The following TNC variants were observed in gnomAD, a reference collection of about 807,000 sequenced individuals.
TNC encodes tenascin C, also known as tenascin.
In TNC, 109 loss-of-function variants were observed where a neutral mutation model predicts 202.4. That is an observed-to-expected ratio of 0.54 (90% CI 0.46 to 0.63). TNC has a LOEUF of 0.63. Ranked by LOEUF, TNC falls within the 30% of genes least tolerant of loss-of-function variation. TNC has a pLI of 0.00. For missense variants in TNC, 2,756 were observed against 2,833.3 expected (o/e 0.97, Z 0.62); for synonymous variants, 1,007 against 1,089.7 (o/e 0.92, Z 1.50).
Position 115,063,723 on chromosome 9 carries a change from C to T in TNC, c.3760+73G>A, listed in dbSNP as rs79219450. 9.3e-4 allele frequency: 1,412 copies of T among 1,515,770 alleles called. 9 individuals are homozygous for T. In the African/African-American group the frequency reaches 0.018, roughly 19 times the overall value. The allele number at this position is 1,515,770 out of a possible 1,614,324, so 93.9% of individuals were successfully genotyped here. A position where few individuals can be genotyped will look rare whatever the true frequency, so the allele number is the denominator to read the frequency against. ...GGTAGGAGCTGATCCCAGTTTAAAG[C>T]AAGAAAGTGCTTTGATTCCTCCCGA... On this transcript the variant is annotated intron_variant, in intron 12 of 27. Coordinates refer to ENST00000350763, the MANE Select transcript of TNC (RefSeq NM_002160.4).
At chr9:115,108,669 G>A (rs1836804815) in intron 1 of TNC, among the ~76,000 whole-genome samples, 1 of 152,142 alleles carries the variant, frequency 6.6e-6, no homozygotes, top group Non-Finnish European at 1.5e-5. Flanking sequence ...CTGAATGTTT[G>A]TGTTCCCTCA....
In TNC at chr9:115,077,928, G is replaced by C. The variant is rs1482949136; in HGVS notation, c.2674+15C>G. On this transcript the variant is annotated intron_variant, in intron 7 of 27. Transcript: ENST00000350763. ...TTTCCTTTACTATATCTGTTAACAG[G>C]GGGAGGCCTTTTACCTGTTGTGAAG... is the stretch of plus-strand genomic sequence containing the variant. The C allele has an allele frequency of 6.2e-7, 1 of 1,611,312 alleles. No individual in the cohort carries two copies. The highest frequency in any genetic ancestry group is 8.5e-7 in the Non-Finnish European group (1 of 1,177,996).
intron 1 of TNC, among the ~76,000 whole-genome samples, chr9:115,108,771 T>G (rs1212322244): frequency 6.6e-6 from 1 of 152,204 alleles, no homozygotes; most frequent in Non-Finnish European, 1.5e-5. Context: ...AGAGGCTTCA[T>G]AAATAGAATT....
intron 6 of TNC, among the ~76,000 whole-genome samples, chr9:115,079,954 G>T (rs1233850467): frequency 1.3e-5 from 2 of 152,152 alleles, no homozygotes; most frequent in Non-Finnish European, 2.9e-5. Context: ...AGGTTTAAAG[G>T]TTTCAGGTAT....
intron 1 of TNC, among the ~76,000 whole-genome samples, chr9:115,100,881 A>G (rs1415642883): frequency 6.6e-6 from 1 of 152,170 alleles, no homozygotes; most frequent in Non-Finnish European, 1.5e-5. Context: ...TGTCAATTAT[A>G]CCTCAATAAA....
At chr9:115,055,431 C>G (rs987726414) in intron 15 of TNC, 11 of 152,428 alleles carry the variant, frequency 7.2e-5, no homozygotes, top group Non-Finnish European at 1.5e-4. Flanking sequence ...GAAAGCTATT[C>G]AGAGGAAATT....
intron 18 of TNC, 79 bp downstream of exon 18, chr9:115,042,140 A>G: frequency 1.3e-6 from 2 of 1,542,718 alleles, no homozygotes; most frequent in Admixed American, 4.0e-5. Context: ...TTAGAGGATG[A>G]AAATTATCAG....
rs13283114 is a variant in TNC, at chr9:115,054,745, C to G, written c.4579+2408G>C. On this transcript the variant is annotated intron_variant, in intron 15 of 27. Transcript: ENST00000350763. ...CCTTCTGAAATGACTCATGGACATG[C>G]TAGCTGCTTCCAGGAAAAAGAAACA... Among the ~76,000 whole-genome samples, 1,307 of 152,290 alleles carry G rather than the reference C, an allele frequency of 8.6e-3. 10 individuals carry two copies. The highest frequency in any genetic ancestry group is 0.013 in the Non-Finnish European group (854 of 68,020).
Position 115,046,476 on chromosome 9 carries a change from C to A in TNC, c.5059G>T (p.Glu1687Ter). Residue 1687 changes from glutamate (E) to a stop codon, truncating the protein, a stop_gained, in exon 17 of 28, where the codon GAA becomes TAA. Coordinates refer to ENST00000350763, the MANE Select transcript of TNC (RefSeq NM_002160.4). LOFTEE classifies it high-confidence loss of function. ...TTGCTTATTCCATAGAGTTCAATTT[C>A]GTATTCAGTAGCCTCTCTGAGACCT... ...ITGLREATEY[E>*]IELYGISKGR... is the part of the protein sequence containing the mutation. 6.2e-7 allele frequency: 1 copy of A among 1,614,146 alleles called. No homozygotes were observed. The highest frequency in any genetic ancestry group is 8.5e-7 in the Non-Finnish European group (1 of 1,179,982).
intron 19 of TNC, among the ~76,000 whole-genome samples, chr9:115,038,891 G>A (rs913164527): frequency 6.6e-6 from 1 of 151,674 alleles, no homozygotes; most frequent in Non-Finnish European, 1.5e-5. Context: ...GCAGTGGCAC[G>A]ATCTCGGCTC....
chr9:115,070,329 T>C (rs1833368908), intron 10 of TNC, among the ~76,000 whole-genome samples: 1 of 152,014 alleles, frequency 6.6e-6, no homozygotes, highest in Non-Finnish European at 1.5e-5. Flanking sequence ...AAAAGAGTGG[T>C]ATCCAGGGAG....
At chr9:115,052,701 C>G (rs1384455737) in intron 15 of TNC, 2 of 669,640 alleles carry the variant, frequency 3.0e-6, no homozygotes, top group African/African-American at 3.6e-5. Flanking sequence ...ATCTCCTTTT[C>G]TCTCTGTGTT....
chr9:115,092,019 A>T (rs1000522342), intron 1 of TNC, among the ~76,000 whole-genome samples: 1 of 152,114 alleles, frequency 6.6e-6, no homozygotes, highest in African/African-American at 2.4e-5. Flanking sequence ...TGGTAGAAAT[A>T]AATATAAGAC....
At chr9:115,104,883 G>T (rs1278593250) in intron 1 of TNC, among the ~76,000 whole-genome samples, 1 of 152,206 alleles carries the variant, frequency 6.6e-6, no homozygotes, top group Non-Finnish European at 1.5e-5. Flanking sequence ...CTGTGGCTAT[G>T]ATTAGGCTTT....
chr9:115,045,328 G>C (rs922033147), intron 17 of TNC, among the ~76,000 whole-genome samples: 3 of 151,752 alleles, frequency 2.0e-5, no homozygotes, highest in Non-Finnish European at 2.9e-5. Context: ...GTTCATCTTA[G>C]TATTATTATT....
chr9:115,061,277 A>T (rs1442363863), intron 13 of TNC, among the ~76,000 whole-genome samples: 1 of 152,210 alleles, frequency 6.6e-6, no homozygotes, highest in East Asian at 1.9e-4. Flanking sequence ...GGTTATTTTC[A>T]AACTGTGTTC....
chr9:115,038,267 C>T lies in TNC; in HGVS notation c.5506G>A (p.Glu1836Lys), dbSNP rs774393174. ...VDSYVISYTG[E>K]KVPEITRTVS... is the part of the protein sequence containing the mutation. ...GACTTGGACAAAACCTTACCTTTCT[C>T]GCCTGTGTAGGAGATGACATAACTG... The change falls in exon 20 of 28, where the codon GAG (glutamate) becomes AAG (lysine). Residue 1836 changes from glutamate (E) to lysine (K), a missense_variant. Around this residue, in one of 2 missense-constraint regions of TNC, gnomAD observed 2,559 missense variants for 2,546.0 expected, o/e 1.01. Coordinates refer to ENST00000350763, the MANE Select transcript of TNC (RefSeq NM_002160.4). 58 of 1,613,654 alleles carry T rather than the reference C, an allele frequency of 3.6e-5. No homozygotes were observed. The highest frequency in any genetic ancestry group is 6.7e-5 in the African/African-American group (5 of 74,920).
Position 115,021,282 on chromosome 9 carries a change from AAAGAGAGAGAG to A in TNC, c.6496-26_6496-16del. ...CAGTTAACGCCCTGTTAAAAAAAAA[AAAGAGAGAGAG>A]AGAGAGAGAGAGAAGGCCTCCAGGT... On this transcript the variant is annotated splice_polypyrimidine_tract_variant and intron_variant, in intron 27 of 27. Coordinates refer to ENST00000350763, the MANE Select transcript of TNC (RefSeq NM_002160.4). 1 of 1,490,098 alleles carries A rather than the reference AAAGAGAGAGAG, an allele frequency of 6.7e-7. No homozygotes were observed. The highest frequency in any genetic ancestry group is 9.2e-7 in the Non-Finnish European group (1 of 1,082,576). The allele number at this position is 1,490,098 out of a possible 1,614,324, so 92.3% of individuals were successfully genotyped here. A position where few individuals can be genotyped will look rare whatever the true frequency, so the allele number is the denominator to read the frequency against.
At position 115,036,330 on chromosome 9, in the gene TNC, A is replaced by T. The variant is rs1830331634; in HGVS notation, c.5513-89T>A. The T allele has an allele frequency of 7.7e-6, 11 of 1,433,024 alleles. No homozygotes were observed. The East Asian group carries it at 2.5e-4, about 33-fold the overall frequency. The allele number at this position is 1,433,024 out of a possible 1,614,324, so 88.8% of individuals were successfully genotyped here. ...GCAAACCACATACACACCTCCTTCGAACATCGAAACTTTCAGTGACCCTGC... is the reference window on the plus strand; with the variant it reads ...GCAAACCACATACACACCTCCTTCGTACATCGAAACTTTCAGTGACCCTGC... On this transcript the variant is annotated intron_variant, in intron 20 of 27. Coordinates refer to ENST00000350763, the MANE Select transcript of TNC (RefSeq NM_002160.4).
Sources: gnomAD v4.1 joint callset for allele counts (sites outside exome capture counted in the v4.1 genomes callset) on GRCh38, gnomAD v4.1.1 for gene constraint, gnomAD v4.1.1 regional missense constraint, MANE v1.5 for transcripts, NCBI Gene and HGNC (gene_info 2026-07-23, HGNC 2026-07-21) for gene names.